Variants in HIRA observed in about 807,000 individuals in gnomAD.
HIRA encodes the protein protein HIRA.
HIRA carries 13 observed loss-of-function variants against 126.6 expected under a neutral mutation model. The ratio of observed to expected loss-of-function variants is 0.10; its 90% CI spans 0.07 to 0.16. The LOEUF is 0.16. Among genes scored for constraint, HIRA ranks in the 10% least tolerant of loss-of-function variants. The pLI, the probability that HIRA is intolerant of heterozygous loss-of-function variation, is 1.00. For synonymous variants in HIRA, 511 were observed against 520.0 expected (o/e 0.98, Z 0.24); for missense variants, 834 against 1,314.4 (o/e 0.63, Z 5.65).
At chr22:19,417,067 G>C (rs1019236587) in intron 1 of HIRA, among the ~76,000 whole-genome samples, 17 of 151,870 alleles carry the variant, frequency 1.1e-4, no homozygotes, top group Non-Finnish European at 1.8e-4. Context: ...AAGCGTGGTG[G>C]TGGGTGCCTG....
At chr22:19,394,853 T>C (rs1438643216) in intron 7 of HIRA, among the ~76,000 whole-genome samples, 2 of 152,238 alleles carry the variant, frequency 1.3e-5, no homozygotes, top group East Asian at 1.9e-4. Flanking sequence ...CCAATTCTTC[T>C]GTGTAGCACC....
At chr22:19,397,901 G>T in intron 6 of HIRA, 91 bp downstream of exon 6, 1 of 804,172 alleles carries the variant, frequency 1.2e-6, no homozygotes, top group Non-Finnish European at 2.1e-6. Flanking sequence ...CACATCTGTT[G>T]CCACCAAGAC....
chr22:19,349,894 T>G (rs1420810710), intron 24 of HIRA, among the ~76,000 whole-genome samples: 2 of 152,214 alleles, frequency 1.3e-5, no homozygotes, highest in African/African-American at 4.8e-5. Flanking sequence ...GCACTTTCCC[T>G]CTGCCTGGAT....
At chr22:19,383,737 A>G (rs760208746) in intron 12 of HIRA, 32 bp from the exon 13 acceptor site, 1 of 1,562,256 alleles carries the variant, frequency 6.4e-7, no homozygotes, top group South Asian at 1.1e-5. Flanking sequence ...AATGAATGCA[A>G]AAGTTTTGGC....
chr22:19,410,821 T>C lies in HIRA; in HGVS notation c.38-43A>G, dbSNP rs1287811206. 3 of 1,504,912 alleles carry C rather than the reference T, an allele frequency of 2.0e-6. No homozygotes were observed. The African/African-American group carries it at 4.1e-5, about 21-fold the overall frequency. 93.2% of individuals were successfully genotyped at this position (1,504,912 alleles called of 1,614,324 possible). A position where few individuals can be genotyped will look rare whatever the true frequency, so the allele number is the denominator to read the frequency against. On this transcript the variant is annotated intron_variant, in intron 1 of 24. Coordinates refer to ENST00000263208, the MANE Select transcript of HIRA (RefSeq NM_003325.4). Reference sequence around the variant, plus strand: ...AAAATACAGTATCTAAATTGGCTTTTATTCATTGAAGTGTATCAAACTCAA... The same window carrying C: ...AAAATACAGTATCTAAATTGGCTTTCATTCATTGAAGTGTATCAAACTCAA...
At chr22:19,368,708 C>A (rs1464934790) in intron 15 of HIRA, among the ~76,000 whole-genome samples, 1 of 152,186 alleles carries the variant, frequency 6.6e-6, no homozygotes, top group African/African-American at 2.4e-5. Context: ...AAAAGTCAGA[C>A]TTTTATGTAA....
intron 1 of HIRA, among the ~76,000 whole-genome samples, chr22:19,425,440 GC>G (rs1408711480): frequency 6.6e-6 from 1 of 152,126 alleles, no homozygotes; most frequent in Non-Finnish European, 1.5e-5. Flanking sequence ...GAGGGGTCAA[GC>G]CAGACACAGA....
At chr22:19,400,323 G>A (rs914856564) in intron 5 of HIRA, among the ~76,000 whole-genome samples, 1 of 152,178 alleles carries the variant, frequency 6.6e-6, no homozygotes, top group Non-Finnish European at 1.5e-5. Flanking sequence ...TGTATTTGGT[G>A]AGGATTGAAA....
intron 24 of HIRA, among the ~76,000 whole-genome samples, chr22:19,341,536 G>A (rs182602337): frequency 4.7e-4 from 70 of 150,094 alleles, no homozygotes; most frequent in African/African-American, 1.4e-3. Context: ...CACATTACCC[G>A]ACATCAAACT....
chr22:19,373,535 A>G (rs942950538), intron 15 of HIRA, among the ~76,000 whole-genome samples: 1 of 152,192 alleles, frequency 6.6e-6, no homozygotes, highest in Non-Finnish European at 1.5e-5. Context: ...CATCTCTGCC[A>G]AGTGCCTCTG....
At chr22:19,331,773 G>A (rs1260404737) in intron 24 of HIRA, among the ~76,000 whole-genome samples, 1 of 152,212 alleles carries the variant, frequency 6.6e-6, no homozygotes, top group East Asian at 1.9e-4. Context: ...AAAGGAGGAT[G>A]AGGCCAATGC....
chr22:19,397,664 T>C (rs2089234795), intron 6 of HIRA, among the ~76,000 whole-genome samples: 1 of 152,124 alleles, frequency 6.6e-6, no homozygotes, highest in Non-Finnish European at 1.5e-5. Context: ...ACAGAGGAGA[T>C]GGTGACTGAG....
intron 23 of HIRA, among the ~76,000 whole-genome samples, chr22:19,352,138 G>C (rs1287767190): frequency 6.6e-6 from 1 of 151,976 alleles, no homozygotes; most frequent in Non-Finnish European, 1.5e-5. Flanking sequence ...TTACAGCCAA[G>C]GAAACAAGGG....
intron 1 of HIRA, among the ~76,000 whole-genome samples, chr22:19,412,133 G>A (rs1415915836): frequency 1.3e-5 from 2 of 152,194 alleles, no homozygotes; most frequent in Non-Finnish European, 2.9e-5. Context: ...TAGGCCTTAA[G>A]AGTCTAGCAG....
At chr22:19,359,665 G>A (rs1240224416) in intron 17 of HIRA, among the ~76,000 whole-genome samples, 181 bp from the exon 18 acceptor site, 1 of 152,218 alleles carries the variant, frequency 6.6e-6, no homozygotes, top group Non-Finnish European at 1.5e-5. Flanking sequence ...CAGAGGGCCA[G>A]ACATGTGGCC....
At chr22:19,379,089 G>A (rs1042128398) in intron 13 of HIRA, among the ~76,000 whole-genome samples, 1 of 151,062 alleles carries the variant, frequency 6.6e-6, no homozygotes, top group African/African-American at 2.4e-5. Flanking sequence ...GTGCAGTGGC[G>A]CGATCTCGCC....
Position 19,394,478 on chromosome 22 carries a change from C to T in HIRA, c.686G>A (p.Ser229Asn), listed in dbSNP as rs1406644995. The change falls in exon 8 of 25, where the codon AGC becomes AAC. Residue 229 changes from serine (S) to asparagine (N), a missense_variant. Ser to Asn is a conservative substitution (Grantham distance 46, BLOSUM62 1). Coordinates refer to ENST00000263208, the MANE Select transcript of HIRA (RefSeq NM_003325.4). ...CAGGTAATGCCCATCAGGTGACCAG[C>T]TGAGCCGCAACACATGGGTCGTTCC... is the stretch of plus-strand genomic sequence containing the variant. ...CGGTTHVLRL[S>N]WSPDGHYLVS... is the part of the protein sequence containing the mutation. 2.5e-6 allele frequency: 4 copies of T among 1,614,186 alleles called. No homozygotes were observed. In the South Asian group the frequency reaches 4.4e-5, roughly 18 times the overall value.
chr22:19,348,007 G>T (rs1556009437), intron 24 of HIRA, among the ~76,000 whole-genome samples: 1 of 152,222 alleles, frequency 6.6e-6, no homozygotes, highest in Non-Finnish European at 1.5e-5. Flanking sequence ...CTAGGGCCCT[G>T]TTAACTTACC....
chr22:19,353,584 C>T, intron 22 of HIRA, 65 bp from the exon 23 acceptor site: 1 of 1,476,122 alleles, frequency 6.8e-7, no homozygotes, highest in Non-Finnish European at 9.0e-7. Context: ...GGAACTGCCC[C>T]CGTGTGCAAC....
Sources: gnomAD v4.1 joint callset for allele counts (sites outside exome capture counted in the v4.1 genomes callset) on GRCh38, gnomAD v4.1.1 for gene constraint, MANE v1.5 for transcripts, NCBI Gene and HGNC (gene_info 2026-07-23, HGNC 2026-07-21) for gene names.